Variants in CDC42BPA observed in about 807,000 individuals in gnomAD.
CDC42BPA encodes the protein serine/threonine-protein kinase MRCK alpha.
CDC42BPA carries 80 observed loss-of-function variants against 223.5 expected under a neutral mutation model. That is an observed-to-expected ratio of 0.36 (90% CI 0.30 to 0.43). The LOEUF is 0.43. Ranked by LOEUF, CDC42BPA falls within the 20% of genes least tolerant of loss-of-function variation. CDC42BPA has a pLI of 1.00. For synonymous variants in CDC42BPA, 694 were observed against 718.6 expected (o/e 0.97, Z 0.55); for missense variants, 1,743 against 2,099.9 (o/e 0.83, Z 3.32).
intron 21 of CDC42BPA, among the ~76,000 whole-genome samples, chr1:227,065,201 A>C (rs1676788488): frequency 6.6e-6 from 1 of 152,154 alleles, no homozygotes; most frequent in African/African-American, 2.4e-5. Flanking sequence ...CTAATCCCCA[A>C]AGATTGAGAA....
At position 227,285,835 on chromosome 1, in the gene CDC42BPA, G is replaced by C. The variant is rs116835511; in HGVS notation, c.178+31170C>G. Among the ~76,000 whole-genome samples, 908 of 148,282 alleles carry C rather than the reference G, an allele frequency of 6.1e-3. 10 individuals carry two copies. The highest frequency in any genetic ancestry group is 0.021 in the African/African-American group (856 of 40,324). On this transcript the variant is annotated intron_variant, in intron 1 of 36. Transcript: ENST00000366766. ...AAACTGTAACTCTGCCTACTCCTGAGTACTTGGATATAGGTAAAGAAAAAA... is the reference window on the plus strand; with the variant it reads ...AAACTGTAACTCTGCCTACTCCTGACTACTTGGATATAGGTAAAGAAAAAA...
chr1:227,074,444 G>GA, intron 17 of CDC42BPA, 80 bp from the exon 18 acceptor site: 1 of 986,760 alleles, frequency 1.0e-6, no homozygotes, highest in Non-Finnish European at 1.5e-6. Context: ...GCTTCCTAAA[G>GA]AAATAAGTGG....
At chr1:227,143,841 C>G (rs1660162264) in intron 8 of CDC42BPA, among the ~76,000 whole-genome samples, 1 of 152,126 alleles carries the variant, frequency 6.6e-6, no homozygotes, top group Admixed American at 6.5e-5. Context: ...TCAATATTAG[C>G]TAACAGTGTT....
At chr1:227,089,378 C>T (rs1453331732) in intron 16 of CDC42BPA, among the ~76,000 whole-genome samples, 1 of 151,992 alleles carries the variant, frequency 6.6e-6, no homozygotes, top group African/African-American at 2.4e-5. Context: ...ACTACTGAGA[C>T]AGACAGAATT....
chr1:226,997,060 G>C (rs1486608124), intron 35 of CDC42BPA, among the ~76,000 whole-genome samples: 1 of 152,220 alleles, frequency 6.6e-6, no homozygotes, highest in Non-Finnish European at 1.5e-5. Flanking sequence ...ACCTCTGGTA[G>C]AATTCGGCTG....
intron 5 of CDC42BPA, among the ~76,000 whole-genome samples, chr1:227,167,860 T>C (rs1384651296): frequency 6.6e-6 from 1 of 152,198 alleles, no homozygotes; most frequent in African/African-American, 2.4e-5. Context: ...GTAGTATCAT[T>C]TCCCTGCAGC....
chr1:227,248,836 T>C (rs1415304743), intron 2 of CDC42BPA, among the ~76,000 whole-genome samples: 4 of 152,134 alleles, frequency 2.6e-5, no homozygotes, highest in Non-Finnish European at 4.4e-5. Context: ...GAAGAATCAA[T>C]ACTGTTAAAA....
intron 2 of CDC42BPA, among the ~76,000 whole-genome samples, chr1:227,248,048 C>A (rs978589078): frequency 1.3e-5 from 2 of 151,544 alleles, no homozygotes; most frequent in African/African-American, 4.9e-5. Flanking sequence ...TGAAAATACA[C>A]AGAGGTGACA....
intron 2 of CDC42BPA, among the ~76,000 whole-genome samples, chr1:227,228,856 T>C (rs1572496986): frequency 6.6e-6 from 1 of 152,184 alleles, no homozygotes; most frequent in Non-Finnish European, 1.5e-5. Context: ...AAATCACTCA[T>C]CAATTTTTAA....
At chr1:227,044,974 T>C (rs538167938) in intron 23 of CDC42BPA, among the ~76,000 whole-genome samples, 1 of 152,286 alleles carries the variant, frequency 6.6e-6, no homozygotes, top group South Asian at 2.1e-4. Flanking sequence ...TACCACATGG[T>C]CAAACACACT....
chr1:227,160,494 C>T lies in CDC42BPA; in HGVS notation c.693+49G>A, dbSNP rs370849967. 58 of 1,136,442 alleles carry T rather than the reference C, an allele frequency of 5.1e-5. No individual in the cohort carries two copies. In the African/African-American group the frequency reaches 7.5e-4, roughly 15 times the overall value. 70.4% of individuals were successfully genotyped at this position (1,136,442 alleles called of 1,614,324 possible). ...TAAAACAGATATATCAGACAAATAGCAAGGGAAATGTCTGTGAACAAAATA... is the reference window on the plus strand; with the variant it reads ...TAAAACAGATATATCAGACAAATAGTAAGGGAAATGTCTGTGAACAAAATA... On this transcript the variant is annotated intron_variant, in intron 6 of 36. Coordinates refer to ENST00000366766, the MANE Select transcript of CDC42BPA (RefSeq NM_001394014.1).
At chr1:226,995,054 A>G in intron 35 of CDC42BPA, 74 bp from the exon 36 acceptor site, 4 of 1,368,290 alleles carry the variant, frequency 2.9e-6, no homozygotes, top group Non-Finnish European at 4.0e-6. Flanking sequence ...CAGACTGCTG[A>G]GCTGACAGGC....
intron 3 of CDC42BPA, among the ~76,000 whole-genome samples, chr1:227,205,985 C>T (rs1567801): frequency 0.9 from 137,278 of 152,186 alleles, 62,363 homozygotes; most frequent in Middle Eastern, 0.96. Context: ...GAGGCAGAGG[C>T]TGCAGTGAGC....
At chr1:227,159,533 T>C (rs946422349) in intron 6 of CDC42BPA, among the ~76,000 whole-genome samples, 2 of 152,004 alleles carry the variant, frequency 1.3e-5, no homozygotes, top group African/African-American at 4.8e-5. Flanking sequence ...TCTAGAGTAA[T>C]GTGACATTTT....
intron 3 of CDC42BPA, among the ~76,000 whole-genome samples, chr1:227,204,513 T>C (rs890348883): frequency 6.6e-6 from 1 of 152,140 alleles, no homozygotes; most frequent in Non-Finnish European, 1.5e-5. Context: ...GCAAGGAGTT[T>C]AATTTAGGGA....
At position 227,199,661 on chromosome 1, in the gene CDC42BPA, C is replaced by A; in HGVS notation, c.355-9G>T. On this transcript the variant is annotated splice_polypyrimidine_tract_variant and intron_variant, in intron 3 of 36. Transcript: ENST00000366766. ...TCACGAAAACATGCTGTCTGAAACACAAAAAGAAAATTTTTAGAGCATACT... is the reference window on the plus strand; with the variant it reads ...TCACGAAAACATGCTGTCTGAAACAAAAAAAGAAAATTTTTAGAGCATACT... 3 of 1,476,528 alleles carry A rather than the reference C, an allele frequency of 2.0e-6. No individual in the cohort carries two copies. The highest frequency in any genetic ancestry group is 1.8e-5 in the Admixed American group (1 of 56,980). 91.5% of individuals were successfully genotyped at this position (1,476,528 alleles called of 1,614,324 possible). A position where few individuals can be genotyped will look rare whatever the true frequency, so the allele number is the denominator to read the frequency against.
chr1:227,179,436 A>G (rs1010518572), intron 5 of CDC42BPA, among the ~76,000 whole-genome samples: 6 of 151,702 alleles, frequency 4.0e-5, no homozygotes, highest in African/African-American at 1.5e-4. Context: ...GGAGATTGAG[A>G]CCATCCTGGC....
rs937507175 is a variant in CDC42BPA, at chr1:227,113,050, T to A, written c.1648-137A>T. 2.4e-5 allele frequency: 18 copies of A among 760,946 alleles called. No individual in the cohort carries two copies. The South Asian group carries it at 2.7e-4, about 11-fold the overall frequency. 47.1% of individuals were successfully genotyped at this position (760,946 alleles called of 1,614,324 possible). ...GACAAATTAAAAGAAATAAACTACT[T>A]CTGAACAGATATTAACGGCATGGTG... is the stretch of plus-strand genomic sequence containing the variant. On this transcript the variant is annotated intron_variant, in intron 12 of 36. Coordinates refer to ENST00000366766, the MANE Select transcript of CDC42BPA (RefSeq NM_001394014.1).
chr1:227,016,688 T>C (rs1017721026), intron 33 of CDC42BPA, among the ~76,000 whole-genome samples: 4 of 152,142 alleles, frequency 2.6e-5, no homozygotes, highest in East Asian at 3.8e-4. Flanking sequence ...TCCATATACA[T>C]AGAGAAGTGA....
Sources: gnomAD v4.1 joint callset for allele counts (sites outside exome capture counted in the v4.1 genomes callset) on GRCh38, gnomAD v4.1.1 for gene constraint, MANE v1.5 for transcripts, NCBI Gene and HGNC (gene_info 2026-07-23, HGNC 2026-07-21) for gene names.